Variants in FAM118B observed in about 807,000 individuals in gnomAD.
The protein encoded by FAM118B is protein FAM118B.
A neutral mutation model predicts 38.5 loss-of-function variants in FAM118B; 24 were observed. The ratio of observed to expected loss-of-function variants is 0.62; its 90% CI spans 0.45 to 0.88. The LOEUF (loss-of-function observed/expected upper bound fraction) is 0.88, where lower values mean the gene tolerates loss of function less well. FAM118B is among the 40% of genes least tolerant of loss of function. The probability of loss-of-function intolerance (pLI) is 0.00; values close to 1 mark genes in which losing one functional copy is unlikely to be tolerated. For missense variants in FAM118B, 334 were observed against 420.0 expected, an observed-to-expected ratio of 0.80 and a Z score of 1.79; for synonymous variants, 138 against 156.3, an observed-to-expected ratio of 0.88 and a Z score of 0.87.
At chr11:126,218,695 TC>T (rs1221310821) in intron 1 of FAM118B, among the ~76,000 whole-genome samples, 1 of 152,188 alleles carries the variant, frequency 6.6e-6, no homozygotes, top group African/African-American at 2.4e-5. Flanking sequence ...TATTTTAAGT[TC>T]CCAGCGTGGG....
chr11:126,220,675 G>A (rs188502494), intron 1 of FAM118B, among the ~76,000 whole-genome samples: 155 of 152,236 alleles, frequency 1.0e-3, no homozygotes, highest in African/African-American at 3.6e-3. Flanking sequence ...TGATCTTGCC[G>A]TCCTGGGGAA....
chr11:126,241,045 G>A lies in FAM118B; in HGVS notation c.339+1G>A. ...TGACCTTATCCAGAAACTCTCTCCT[G>A]TGAGTACCCTAGTATGTGCCACAGT... On this transcript the variant is annotated splice_donor_variant, in intron 4 of 8. Coordinates refer to ENST00000533050, the MANE Select transcript of FAM118B (RefSeq NM_024556.4). LOFTEE classifies it high-confidence loss of function. 1.3e-6 allele frequency: 2 copies of A among 1,589,934 alleles called. No individual in the cohort carries two copies. The highest frequency in any genetic ancestry group is 8.6e-7 in the Non-Finnish European group (1 of 1,167,202).
chr11:126,228,686 A>C (rs1033358252), intron 1 of FAM118B, among the ~76,000 whole-genome samples: 2 of 151,902 alleles, frequency 1.3e-5, no homozygotes, highest in Non-Finnish European at 2.9e-5. Context: ...CAGCCTCCCG[A>C]GTAGCTGGAA....
intron 1 of FAM118B, among the ~76,000 whole-genome samples, chr11:126,224,542 G>A (rs1227965857): frequency 1.3e-5 from 2 of 151,334 alleles, no homozygotes; most frequent in Admixed American, 1.3e-4. Flanking sequence ...GTATGTTAGA[G>A]GGTGCTGTGT....
chr11:126,253,241 T>A lies in FAM118B; in HGVS notation c.568-1064T>A, dbSNP rs1399295768. The stretch of plus-strand genomic sequence containing the variant: ...ATTTGCATTGTATTTTCAGCCCACA[T>A]TAGGGGCAGTGTTGCAGTCTAATGG... On this transcript the variant is annotated intron_variant, in intron 5 of 8. Transcript: ENST00000533050. This position sits in a 1 kb window ranked among gnomAD's most constrained non-coding sequence, Gnocchi z 5.1. Among the ~76,000 whole-genome samples the A allele has an allele frequency of 6.6e-6, 1 of 152,180 alleles. No individual in the cohort carries two copies. The highest frequency in any genetic ancestry group is 1.9e-4 in the East Asian group (1 of 5,186).
At chr11:126,229,858 C>T in intron 2 of FAM118B, among the ~76,000 whole-genome samples, 1 of 152,168 alleles carries the variant, frequency 6.6e-6, no homozygotes, top group Non-Finnish European at 1.5e-5. Flanking sequence ...AGAAACCTTA[C>T]CTCTAGTGAG....
rs185030744 is a variant in FAM118B at position 126,214,051 on chromosome 11, T to C, written c.-77+2221T>C. On this transcript the variant is annotated intron_variant, in intron 1 of 8. Coordinates refer to ENST00000533050, the MANE Select transcript of FAM118B (RefSeq NM_024556.4). ...TGATTTAAAGTAGAGTTGTTCTCAG[T>C]ATAAAGAATTTATGTGGCCGGGCGC... Among the ~76,000 whole-genome samples, 302 of 152,316 alleles carry C rather than the reference T, an allele frequency of 2.0e-3. 1 individual carries two copies. The highest frequency in any genetic ancestry group is 0.014 in the Admixed American group (219 of 15,294).
intron 1 of FAM118B, among the ~76,000 whole-genome samples, chr11:126,220,453 G>A (rs1016096329): frequency 1.3e-5 from 2 of 151,936 alleles, no homozygotes; most frequent in African/African-American, 4.8e-5. Context: ...GCCCATGCCT[G>A]TAATCCCAAC....
At chr11:126,228,192 A>T (rs1422460928) in intron 1 of FAM118B, among the ~76,000 whole-genome samples, 2 of 142,410 alleles carry the variant, frequency 1.4e-5, no homozygotes, top group Non-Finnish European at 3.1e-5. Context: ...TTTACTAAAC[A>T]TTTTTTTTTT....
At chr11:126,246,905 C>T (rs200043639) in intron 4 of FAM118B, among the ~76,000 whole-genome samples, 2 of 152,116 alleles carry the variant, frequency 1.3e-5, no homozygotes, top group East Asian at 3.8e-4. Flanking sequence ...CTTATAAAGG[C>T]CACTGGTGGC....
At chr11:126,243,777 G>A (rs1304155072) in intron 4 of FAM118B, among the ~76,000 whole-genome samples, 1 of 151,908 alleles carries the variant, frequency 6.6e-6, no homozygotes, top group Non-Finnish European at 1.5e-5. Flanking sequence ...GGTAGTGCAT[G>A]CCTGTAATCC....
chr11:126,228,482 G>T (rs1315252441), intron 1 of FAM118B, among the ~76,000 whole-genome samples: 1 of 152,130 alleles, frequency 6.6e-6, no homozygotes, highest in Non-Finnish European at 1.5e-5. Flanking sequence ...TTACAGGAGT[G>T]AGCCACTGGG....
In FAM118B at chr11:126,231,575, T is replaced by C. The variant is rs573204251; in HGVS notation, c.-8+2282T>C. ...GATGAGTATATGATTGGATATAATG[T>C]AGGCATGCTGAGCTACGTCTCATTC... is the stretch of plus-strand genomic sequence containing the variant. On this transcript the variant is annotated intron_variant, in intron 2 of 8. Transcript: ENST00000533050. 2.0e-5 allele frequency among the ~76,000 whole-genome samples: 3 copies of C among 152,326 alleles called. No homozygotes were observed. In the South Asian group the frequency reaches 6.2e-4, roughly 32 times the overall value.
intron 1 of FAM118B, chr11:126,214,493 T>TTG (rs1949944838): frequency 1.1e-5 from 1 of 87,024 alleles, no homozygotes; most frequent in Admixed American, 1.4e-4. Flanking sequence ...TGTTTCTGTT[T>TTG]TTTTTTTTTG....
At chr11:126,245,991 C>T (rs565781741) in intron 4 of FAM118B, among the ~76,000 whole-genome samples, 5 of 144,830 alleles carry the variant, frequency 3.5e-5, no homozygotes, top group Admixed American at 2.1e-4. Context: ...TACGAGACTC[C>T]GTCCCAAAAA....
intron 1 of FAM118B, among the ~76,000 whole-genome samples, chr11:126,222,494 T>G (rs953888158): frequency 3.3e-5 from 5 of 152,234 alleles, no homozygotes; most frequent in Admixed American, 6.5e-5. Flanking sequence ...CTTTGTTTTA[T>G]GAAACAAATC....
At chr11:126,222,950 T>C (rs958725223) in intron 1 of FAM118B, among the ~76,000 whole-genome samples, 6 of 152,012 alleles carry the variant, frequency 3.9e-5, no homozygotes, top group African/African-American at 1.5e-4. Context: ...GGAGATGAAG[T>C]ATAAATGAAG....
chr11:126,254,768 G>C (rs1358706784), intron 6 of FAM118B, among the ~76,000 whole-genome samples: 1 of 152,202 alleles, frequency 6.6e-6, no homozygotes, highest in Non-Finnish European at 1.5e-5. Flanking sequence ...TAAGGCTGTA[G>C]TGAGCTGTGT....
At chr11:126,247,242 C>T (rs1337357198) in intron 4 of FAM118B, among the ~76,000 whole-genome samples, 1 of 152,076 alleles carries the variant, frequency 6.6e-6, no homozygotes, top group African/African-American at 2.4e-5. Context: ...CAATGAGCCA[C>T]GTTCATGCCA....
Sources: allele counts gnomAD v4.1 joint callset (sites outside exome capture counted in the v4.1 genomes callset), GRCh38; gene constraint gnomAD v4.1.1; non-coding constraint Gnocchi (gnomAD v3.1); transcripts MANE v1.5; gene names NCBI Gene and HGNC (gene_info 2026-07-23, HGNC 2026-07-21).